The following USP49 variants were observed in gnomAD, a reference collection of about 807,000 sequenced individuals.
USP49 encodes ubiquitin carboxyl-terminal hydrolase 49.
USP49 carries 24 observed loss-of-function variants against 58.6 expected under a neutral mutation model. That is an observed-to-expected ratio of 0.41 (90% confidence interval 0.30 to 0.58). The LOEUF is 0.58. Among genes scored for constraint, USP49 ranks in the 20% least tolerant of loss-of-function variants. USP49 has a pLI of 0.30. For missense variants in USP49, 703 were observed against 866.1 expected, an observed-to-expected ratio of 0.81 and a Z score of 2.36; for synonymous variants, 408 against 365.1, an observed-to-expected ratio of 1.12 and a Z score of -1.34.
At chr6:41,804,171 T>C (rs1307818580) in intron 4 of USP49, among the ~76,000 whole-genome samples, 161 bp from the exon 5 acceptor site, 1 of 152,212 alleles carries the variant, frequency 6.6e-6, no homozygotes, top group Non-Finnish European at 1.5e-5. Flanking sequence ...AATTAGAGTA[T>C]ATTATTTCTG....
chr6:41,853,634 A>G (rs752508924), intron 3 of USP49, among the ~76,000 whole-genome samples: 5 of 152,216 alleles, frequency 3.3e-5, no homozygotes, highest in African/African-American at 9.7e-5. Flanking sequence ...AAGATGAGAA[A>G]TAAGTACAAA....
chr6:41,876,443 G>C (rs1442062895), intron 2 of USP49, among the ~76,000 whole-genome samples: 1 of 151,950 alleles, frequency 6.6e-6, no homozygotes, highest in African/African-American at 2.4e-5. Context: ...TTAAGACAGA[G>C]CTTCGCTCTG....
chr6:41,819,295 C>T lies in USP49; in HGVS notation c.-28-12284G>A, dbSNP rs565081671. On this transcript the variant is annotated intron_variant, in intron 3 of 7. Coordinates refer to ENST00000682992, the MANE Select transcript of USP49 (RefSeq NM_001286554.2). ...GACAAGCTAGTGATAAAACAAGGTC[C>T]GAACTAATGGCTCCCTGTTCTCTAC... Among the ~76,000 whole-genome samples, 47 of 151,984 alleles carry T rather than the reference C, an allele frequency of 3.1e-4. 1 individual carries two copies. The highest frequency in any genetic ancestry group is 2.5e-3 in the South Asian group (12 of 4,804).
At chr6:41,888,989 C>A (rs1774765550) in intron 2 of USP49, among the ~76,000 whole-genome samples, 2 of 152,000 alleles carry the variant, frequency 1.3e-5, no homozygotes, top group Admixed American at 1.3e-4. Context: ...CCATTCGTCC[C>A]CCTCATAATA....
chr6:41,797,086 G>A (rs997711508), intron 7 of USP49, among the ~76,000 whole-genome samples: 3 of 151,374 alleles, frequency 2.0e-5, no homozygotes, highest in South Asian at 2.1e-4. Context: ...TCAGCCTCTC[G>A]AGTAGCTGGG....
chr6:41,880,824 C>T (rs1285715609), intron 2 of USP49, among the ~76,000 whole-genome samples: 1 of 151,940 alleles, frequency 6.6e-6, no homozygotes, highest in African/African-American at 2.4e-5. Context: ...GGGGGTTCTC[C>T]GTAAGAAGGC....
intron 3 of USP49, among the ~76,000 whole-genome samples, chr6:41,861,438 G>A (rs1297186088): frequency 2.0e-5 from 3 of 152,038 alleles, no homozygotes; most frequent in African/African-American, 7.2e-5. Flanking sequence ...GTGAGACTCA[G>A]TCTCAAAACA....
chr6:41,882,654 C>A (rs954052003), intron 2 of USP49, among the ~76,000 whole-genome samples: 9 of 152,316 alleles, frequency 5.9e-5, no homozygotes, highest in African/African-American at 2.2e-4. Context: ...CAGTGGCTCA[C>A]GCCTGTAATC....
At chr6:41,807,835 G>A (rs1372092611) in intron 3 of USP49, among the ~76,000 whole-genome samples, 1 of 151,286 alleles carries the variant, frequency 6.6e-6, no homozygotes, top group East Asian at 1.9e-4. Context: ...GTGTAGTGGT[G>A]CAGTCTCAGC....
intron 4 of USP49, among the ~76,000 whole-genome samples, chr6:41,804,906 G>A (rs1773083051): frequency 1.3e-5 from 2 of 152,014 alleles, no homozygotes; most frequent in African/African-American, 2.4e-5. Context: ...GCGCCACCAC[G>A]CCCGGCTAAT....
chr6:41,837,965 A>C (rs1773756608), intron 3 of USP49, among the ~76,000 whole-genome samples: 2 of 152,194 alleles, frequency 1.3e-5, no homozygotes, highest in South Asian at 4.1e-4. Context: ...GATGATGGCA[A>C]AGATGTGGAG....
At chr6:41,854,975 C>A (rs562301244) in intron 3 of USP49, among the ~76,000 whole-genome samples, 2 of 151,994 alleles carry the variant, frequency 1.3e-5, no homozygotes, top group East Asian at 3.9e-4. Context: ...GGTTTCGCTA[C>A]GTTGGCCAGG....
At chr6:41,859,708 C>T (rs1046111683) in intron 3 of USP49, among the ~76,000 whole-genome samples, 21 of 152,056 alleles carry the variant, frequency 1.4e-4, no homozygotes, top group Admixed American at 8.5e-4. Context: ...TTTTTACATA[C>T]AGAGGTGAAA....
At chr6:41,854,882 C>T (rs1478457813) in intron 3 of USP49, among the ~76,000 whole-genome samples, 6 of 152,112 alleles carry the variant, frequency 3.9e-5, no homozygotes, top group Non-Finnish European at 5.9e-5. Context: ...AAGTAATTCT[C>T]GTCCCTCAGC....
intron 2 of USP49, among the ~76,000 whole-genome samples, chr6:41,891,167 G>C (rs926503919): frequency 6.6e-6 from 1 of 152,198 alleles, no homozygotes; most frequent in Non-Finnish European, 1.5e-5. Context: ...GAAGAACTTG[G>C]TGAGGGAGAA....
intron 3 of USP49, among the ~76,000 whole-genome samples, chr6:41,834,384 G>C (rs1773689170): frequency 6.6e-6 from 1 of 152,128 alleles, no homozygotes; most frequent in Non-Finnish European, 1.5e-5. Context: ...ATCTTCTCTA[G>C]TCCTAAAATG....
intron 3 of USP49, among the ~76,000 whole-genome samples, chr6:41,855,306 G>A (rs928040466): frequency 1.3e-5 from 2 of 151,652 alleles, no homozygotes; most frequent in African/African-American, 4.8e-5. Flanking sequence ...GCTGAGGTCA[G>A]GAGTTCAAGG....
Position 41,806,448 on chromosome 6 carries a change from T to G in USP49, c.536A>C (p.Glu179Ala). 2 of 1,591,482 alleles carry G rather than the reference T, an allele frequency of 1.3e-6. No homozygotes were observed. Among genetic ancestry groups the G allele is most frequent in the Non-Finnish European group, 1.7e-6 (2 of 1,176,588 alleles). Residue 179 changes from glutamate (E) to alanine (A), a missense_variant, in exon 4 of 8, where the codon GAG becomes GCG. Glu to Ala is a moderately radical substitution (Grantham distance 107). Coordinates refer to ENST00000682992, the MANE Select transcript of USP49 (RefSeq NM_001286554.2). This position sits in a 1 kb window ranked among gnomAD's most constrained non-coding sequence, Gnocchi z 5.9. ...LEQRRQEEALERKKEEARRRR... is the reference protein window; with the variant it reads ...LEQRRQEEALARKKEEARRRR... The stretch of plus-strand genomic sequence containing the variant: ...CCTCCGCGCCTCCTCCTTCTTGCGC[T>G]CCAGGGCCTCCTCCTGCCGCCGCTG...
rs913716848 is a variant in USP49, at chr6:41,793,696, T to C, written c.*2837A>G. The C allele has an allele frequency of 6.6e-6, 1 of 152,196 alleles. No homozygotes were observed. The highest frequency in any genetic ancestry group is 1.5e-5 in the Non-Finnish European group (1 of 68,042). The allele number at this position is 152,196 out of a possible 1,614,324, so 9.4% of individuals were successfully genotyped here. ...GTTCTGCCAAGGGCATTCCTAACTATTTTTATACTAGCATGGATGTTCGTC... is the reference window on the plus strand; with the variant it reads ...GTTCTGCCAAGGGCATTCCTAACTACTTTTATACTAGCATGGATGTTCGTC... On this transcript the variant is annotated 3_prime_UTR_variant, in exon 8 of 8. Coordinates refer to ENST00000682992, the MANE Select transcript of USP49 (RefSeq NM_001286554.2).
Sources: allele counts gnomAD v4.1 joint callset (sites outside exome capture counted in the v4.1 genomes callset), GRCh38; gene constraint gnomAD v4.1.1; non-coding constraint Gnocchi (gnomAD v3.1); transcripts MANE v1.5; gene names NCBI Gene and HGNC (gene_info 2026-07-23, HGNC 2026-07-21).